RBM19: variants seen among roughly 807,000 people sequenced by gnomAD.
RBM19 encodes the protein RNA binding motif protein 19.
A neutral mutation model predicts 116.8 loss-of-function variants in RBM19; 94 were observed. That is an observed-to-expected ratio of 0.80 (90% CI 0.68 to 0.95). The LOEUF is 0.95. Ranked by LOEUF, RBM19 falls within the 40% of genes least tolerant of loss-of-function variation. The probability of loss-of-function intolerance (pLI) is 0.00; values close to 1 mark genes in which losing one functional copy is unlikely to be tolerated. For missense variants in RBM19, 1,161 were observed against 1,220.7 expected (o/e 0.95, Z 0.73); for synonymous variants, 475 against 494.1 (o/e 0.96, Z 0.51).
chr12:113,897,688 G>A (rs938710507), intron 21 of RBM19, among the ~76,000 whole-genome samples: 2 of 152,188 alleles, frequency 1.3e-5, no homozygotes, highest in African/African-American at 2.4e-5. Context: ...CTCTCAGGGC[G>A]GCCATGTTTG....
At chr12:113,863,051 G>C (rs1241029899) in intron 21 of RBM19, among the ~76,000 whole-genome samples, 1 of 152,046 alleles carries the variant, frequency 6.6e-6, no homozygotes, top group Admixed American at 6.5e-5. Context: ...TTTCTTTTGA[G>C]GTGTGTGGTG....
intron 20 of RBM19, among the ~76,000 whole-genome samples, chr12:113,917,269 G>A (rs1335006864): frequency 2.6e-5 from 4 of 152,210 alleles, no homozygotes; most frequent in Non-Finnish European, 2.9e-5. Flanking sequence ...GAAAGAAACT[G>A]CTGGCTCAGT....
intron 17 of RBM19, among the ~76,000 whole-genome samples, chr12:113,926,714 G>A (rs7296060): frequency 0.071 from 10,784 of 152,276 alleles, 1,271 homozygotes; most frequent in African/African-American, 0.25. Context: ...TTCCCAGCGG[G>A]CGAGAGGATT....
Position 113,895,353 on chromosome 12 carries a change from AGG to A in RBM19, c.2558+19614_2558+19615del, listed in dbSNP as rs1196236942. 2.6e-5 allele frequency among the ~76,000 whole-genome samples: 4 copies of A among 152,292 alleles called. No homozygotes were observed. The East Asian group carries it at 7.7e-4, about 29-fold the overall frequency. On this transcript the variant is annotated intron_variant, in intron 21 of 23. Transcript: ENST00000261741. ...GTGAGCTGCTGGGAGGGAAACAGTC[AGG>A]ACCACCTCTCAACCATACAACATGC...
intron 21 of RBM19, among the ~76,000 whole-genome samples, chr12:113,869,544 G>A (rs1879067111): frequency 6.6e-6 from 1 of 152,192 alleles, no homozygotes; most frequent in Admixed American, 6.5e-5. Context: ...GTCTTCAGCT[G>A]CCTCAAGTAC....
At chr12:113,827,848 C>T (rs552433497) in intron 23 of RBM19, among the ~76,000 whole-genome samples, 1 of 152,056 alleles carries the variant, frequency 6.6e-6, no homozygotes, top group African/African-American at 2.4e-5. Flanking sequence ...TGCTTCACCT[C>T]TCTGGGCTCC....
chr12:113,910,860 T>C (rs1882385376), intron 21 of RBM19, among the ~76,000 whole-genome samples: 1 of 152,200 alleles, frequency 6.6e-6, no homozygotes, highest in South Asian at 2.1e-4. Flanking sequence ...TGCATACAGC[T>C]GCTGTGTATC....
intron 21 of RBM19, among the ~76,000 whole-genome samples, chr12:113,900,454 G>A (rs1190898565): frequency 6.6e-6 from 1 of 152,168 alleles, no homozygotes; most frequent in Non-Finnish European, 1.5e-5. Flanking sequence ...TCCCGCACAG[G>A]GTTCCAGGCA....
chr12:113,822,775 T>G lies in RBM19; in HGVS notation c.*449A>C. On this transcript the variant is annotated 3_prime_UTR_variant, in exon 24 of 24. Transcript: ENST00000261741. ...AAGGGGAAGGCTGGGCCCAAGGAGA[T>G]AAGGAAACTGGGCCAGGGTCTCCCA... The G allele has an allele frequency of 6.1e-6, 1 of 164,452 alleles. No individual in the cohort carries two copies. Among genetic ancestry groups the G allele is most frequent in the Non-Finnish European group, 1.3e-5 (1 of 76,270 alleles). The allele number at this position is 164,452 out of a possible 1,614,324, so 10.2% of individuals were successfully genotyped here. A position where few individuals can be genotyped will look rare whatever the true frequency, so the allele number is the denominator to read the frequency against.
chr12:113,823,800 G>A (rs1008348799), intron 23 of RBM19, among the ~76,000 whole-genome samples: 20 of 152,080 alleles, frequency 1.3e-4, no homozygotes, highest in Non-Finnish European at 4.4e-5. Context: ...CTTCAGAGAG[G>A]CTGGACCAAG....
rs1442234065 is a variant in RBM19 at position 113,825,391 on chromosome 12, T to A, written c.2786-2070A>T. On this transcript the variant is annotated intron_variant, in intron 23 of 23. Coordinates refer to ENST00000261741, the MANE Select transcript of RBM19 (RefSeq NM_016196.4). The surrounding 1 kb of genome is among the most constrained non-coding windows in gnomAD (Gnocchi z 5.7). ...GGGCTCGGACTCCGGCTTCCTCTCCTTCCTTGTGACCTCCTAGACACTCTT... is the reference window on the plus strand; with the variant it reads ...GGGCTCGGACTCCGGCTTCCTCTCCATCCTTGTGACCTCCTAGACACTCTT... Among the ~76,000 whole-genome samples, 1 of 152,210 alleles carries A rather than the reference T, an allele frequency of 6.6e-6. No individual in the cohort carries two copies. The highest frequency in any genetic ancestry group is 2.4e-5 in the African/African-American group (1 of 41,456).
At chr12:113,949,064 G>C in intron 9 of RBM19, 28 bp from the exon 10 acceptor site, 1 of 1,592,272 alleles carries the variant, frequency 6.3e-7, no homozygotes, top group Non-Finnish European at 8.6e-7. Flanking sequence ...CAGGGCTCCA[G>C]GGGGAGGCCT....
chr12:113,824,760 C>T (rs1055445045), intron 23 of RBM19, among the ~76,000 whole-genome samples: 2 of 152,212 alleles, frequency 1.3e-5, no homozygotes, highest in South Asian at 4.1e-4. Flanking sequence ...TTTCTTCAAT[C>T]TCGTCCCTCC....
intron 16 of RBM19, chr12:113,927,442 T>C (rs1869188764): frequency 3.6e-6 from 2 of 561,062 alleles, no homozygotes; most frequent in African/African-American, 1.9e-5. Flanking sequence ...CCCTGCTGTG[T>C]TGTAAAGAGA....
At chr12:113,914,340 C>A (rs1446146316) in intron 21 of RBM19, among the ~76,000 whole-genome samples, 1 of 152,242 alleles carries the variant, frequency 6.6e-6, no homozygotes, top group Non-Finnish European at 1.5e-5. Context: ...GCATTTTCCA[C>A]CCCTGTGCAA....
downstream of RBM19, among the ~76,000 whole-genome samples, chr12:113,821,252 C>T (rs1372784423): frequency 1.3e-5 from 2 of 152,110 alleles, no homozygotes; most frequent in African/African-American, 4.8e-5. Context: ...ATCCTCTGGG[C>T]CAGTTAAGTC....
intron 22 of RBM19, among the ~76,000 whole-genome samples, chr12:113,855,841 T>C (rs1363084395): frequency 2.0e-5 from 3 of 152,234 alleles, no homozygotes; most frequent in Admixed American, 1.3e-4. Context: ...TTCACTAATA[T>C]GCAGTGTGGA....
At chr12:113,892,146 G>A (rs1881004618) in intron 21 of RBM19, among the ~76,000 whole-genome samples, 1 of 152,154 alleles carries the variant, frequency 6.6e-6, no homozygotes, top group Non-Finnish European at 1.5e-5. Flanking sequence ...CTATGAATAG[G>A]TGAGATGCCT....
intron 4 of RBM19, 143 bp from the exon 5 acceptor site, chr12:113,959,547 A>G: frequency 1.0e-6 from 1 of 1,002,806 alleles, no homozygotes. Flanking sequence ...TCTCTGGAGG[A>G]CCCCGAGGTT....
Sources: gnomAD v4.1 joint callset for allele counts (sites outside exome capture counted in the v4.1 genomes callset) on GRCh38, gnomAD v4.1.1 for gene constraint, Gnocchi (gnomAD v3.1) non-coding constraint, MANE v1.5 for transcripts, NCBI Gene and HGNC (gene_info 2026-07-23, HGNC 2026-07-21) for gene names.